Variants in NR1H4 observed in about 807,000 individuals in gnomAD.
The protein encoded by NR1H4 is bile acid receptor.
A neutral mutation model predicts 58.5 loss-of-function variants in NR1H4; 23 were observed. That is an observed-to-expected ratio of 0.39 (90% CI 0.28 to 0.56). The LOEUF (loss-of-function observed/expected upper bound fraction) is 0.56. Ranked by LOEUF, NR1H4 falls within the 20% of genes least tolerant of loss-of-function variation. The pLI is 0.58. For synonymous variants in NR1H4, 214 were observed against 198.0 expected, an observed-to-expected ratio of 1.08 and a Z score of -0.68; for missense variants, 487 against 576.9, an observed-to-expected ratio of 0.84 and a Z score of 1.60.
chr12:100,501,807 A>G (rs919816734), intron 3 of NR1H4, among the ~76,000 whole-genome samples: 5 of 152,158 alleles, frequency 3.3e-5, no homozygotes, highest in African/African-American at 1.2e-4. Context: ...ATGTTTTACC[A>G]TCTATTGATG....
At chr12:100,531,226 C>G (rs3789982) in intron 4 of NR1H4, among the ~76,000 whole-genome samples, 1 of 152,114 alleles carries the variant, frequency 6.6e-6, no homozygotes, top group East Asian at 1.9e-4. Flanking sequence ...GAGGCTGAGG[C>G]GGGCAGATCA....
chr12:100,498,955 G>C (rs769972402), intron 3 of NR1H4, among the ~76,000 whole-genome samples: 9 of 152,034 alleles, frequency 5.9e-5, no homozygotes, highest in Non-Finnish European at 1.2e-4. Flanking sequence ...TATAGAGAAA[G>C]GGCCTTGCTC....
intron 4 of NR1H4, among the ~76,000 whole-genome samples, chr12:100,511,516 G>T (rs1026003380): frequency 2.0e-5 from 3 of 152,064 alleles, no homozygotes; most frequent in East Asian, 3.8e-4. Flanking sequence ...TTAAAATTAA[G>T]ATCTAGAAGA....
intron 5 of NR1H4, 101 bp from the exon 6 acceptor site, chr12:100,534,789 A>G (rs576261784): frequency 3.0e-6 from 4 of 1,352,688 alleles, no homozygotes; most frequent in East Asian, 2.3e-5. Flanking sequence ...GTGCCATTGC[A>G]TAGGGGATCT....
chr12:100,510,713 C>A (rs1021048372), intron 3 of NR1H4, 65 bp from the exon 4 acceptor site: 1 of 1,596,204 alleles, frequency 6.3e-7, no homozygotes, highest in Non-Finnish European at 8.6e-7. Flanking sequence ...ACCATTACGC[C>A]AAACTGCCTC....
intron 4 of NR1H4, among the ~76,000 whole-genome samples, chr12:100,519,788 G>C (rs549166995): frequency 2.7e-4 from 41 of 152,118 alleles, no homozygotes; most frequent in Non-Finnish European, 4.4e-4. Flanking sequence ...AGTTGGGAGG[G>C]ACAGAGCTCA....
intron 6 of NR1H4, 69 bp downstream of exon 6, chr12:100,535,092 C>G: frequency 6.3e-7 from 1 of 1,585,468 alleles, no homozygotes; most frequent in Non-Finnish European, 8.7e-7. Context: ...GTGAGCTGGC[C>G]AGGAGGCTTT....
chr12:100,502,579 CA>C (rs2136127691), intron 3 of NR1H4, among the ~76,000 whole-genome samples: 1 of 152,288 alleles, frequency 6.6e-6, no homozygotes, highest in East Asian at 1.9e-4. Flanking sequence ...ATGACCCTAT[CA>C]ACAATTAAGG....
At chr12:100,536,393 T>C (rs1954813270) in intron 6 of NR1H4, 119 bp from the exon 7 acceptor site, 1 of 672,978 alleles carries the variant, frequency 1.5e-6, no homozygotes, top group Non-Finnish European at 2.7e-6. Flanking sequence ...GTTCCTGCTG[T>C]ATTTATGCCT....
chr12:100,531,274 G>T (rs2136224554), intron 4 of NR1H4, among the ~76,000 whole-genome samples: 1 of 152,266 alleles, frequency 6.6e-6, no homozygotes, highest in South Asian at 2.1e-4. Context: ...TGGCCAACAT[G>T]GTGAAACCCC....
At chr12:100,562,329 T>G (rs1408420852) in intron 10 of NR1H4, among the ~76,000 whole-genome samples, 1 of 152,174 alleles carries the variant, frequency 6.6e-6, no homozygotes, top group Non-Finnish European at 1.5e-5. Context: ...AGAAACAATA[T>G]TTTTTCAGAA....
At chr12:100,542,937 C>T (rs1246802926) in intron 9 of NR1H4, among the ~76,000 whole-genome samples, 1 of 151,716 alleles carries the variant, frequency 6.6e-6, no homozygotes, top group East Asian at 1.9e-4. Flanking sequence ...AGAGAGAAAT[C>T]AAGCATGTTC....
chr12:100,474,651 T>C (rs1310771550), intron 1 of NR1H4, among the ~76,000 whole-genome samples: 1 of 152,182 alleles, frequency 6.6e-6, no homozygotes, highest in Non-Finnish European at 1.5e-5. Flanking sequence ...GAAATGTGAG[T>C]ATGACGAAGA....
intron 9 of NR1H4, among the ~76,000 whole-genome samples, chr12:100,546,841 T>C (rs953118614): frequency 2.6e-5 from 4 of 152,184 alleles, no homozygotes; most frequent in Non-Finnish European, 5.9e-5. Flanking sequence ...TTCATCAATA[T>C]GATCATTTCC....
chr12:100,483,769 A>C (rs956337847), intron 1 of NR1H4, among the ~76,000 whole-genome samples: 24 of 152,136 alleles, frequency 1.6e-4, no homozygotes, highest in African/African-American at 5.6e-4. Context: ...GGATCACTTG[A>C]GGTCAGGAGT....
intron 3 of NR1H4, among the ~76,000 whole-genome samples, chr12:100,507,532 G>A (rs1467478459): frequency 6.6e-6 from 1 of 151,802 alleles, no homozygotes; most frequent in Admixed American, 6.6e-5. Context: ...GCGCGATCTC[G>A]GCTCACTACA....
rs760958615 is a variant in NR1H4, at chr12:100,522,151, A to ATGGTGATGGTGG, written c.446-10299_446-10288dup. On this transcript the variant is annotated intron_variant, in intron 4 of 10. Transcript: ENST00000392986. ...GGTGATGATGATAATGGTGATGGTG[A>ATGGTGATGGTGG]TGGTGATGGTGGTGGTGATAATGAT... Among the ~76,000 whole-genome samples the ATGGTGATGGTGG allele has an allele frequency of 3.7e-3, 557 of 151,992 alleles. 1 individual carries two copies. The highest frequency in any genetic ancestry group is 6.8e-3 in the Non-Finnish European group (465 of 67,928).
intron 8 of NR1H4, among the ~76,000 whole-genome samples, chr12:100,537,405 C>T (rs1450674655): frequency 3.9e-5 from 6 of 152,120 alleles, no homozygotes; most frequent in African/African-American, 1.2e-4. Context: ...TGAAACTTTG[C>T]AAAGTTGTCA....
chr12:100,526,202 T>TTTG (rs1009729001), intron 4 of NR1H4, among the ~76,000 whole-genome samples: 3 of 151,704 alleles, frequency 2.0e-5, no homozygotes, highest in Admixed American at 2.0e-4. Context: ...TATTTTTTTT[T>TTTG]TTTGCTTATT....
Sources: allele counts gnomAD v4.1 joint callset (sites outside exome capture counted in the v4.1 genomes callset), GRCh38; gene constraint gnomAD v4.1.1; transcripts MANE v1.5; gene names NCBI Gene and HGNC (gene_info 2026-07-23, HGNC 2026-07-21).